The following CSMD2 variants were observed in gnomAD, a reference collection of about 807,000 sequenced individuals.
CSMD2 encodes CUB and sushi domain-containing protein 2.
CSMD2 carries 130 observed loss-of-function variants against 398.5 expected under a neutral mutation model. The observed-to-expected ratio is 0.33, with a 90% CI of 0.28 to 0.38. The LOEUF (loss-of-function observed/expected upper bound fraction) is 0.38. Ranked by LOEUF, CSMD2 falls within the 10% of genes least tolerant of loss-of-function variation. The pLI is 1.00. For synonymous variants in CSMD2, 1,828 were observed against 1,908.5 expected (o/e 0.96, Z 1.10); for missense variants, 3,829 against 4,764.9 (o/e 0.80, Z 5.78).
chr1:34,115,415 C>G (rs570464232), intron 1 of CSMD2, among the ~76,000 whole-genome samples: 1 of 152,128 alleles, frequency 6.6e-6, no homozygotes, highest in Non-Finnish European at 1.5e-5. Flanking sequence ...ATAAACATTA[C>G]AAGCCCAGAG....
intron 3 of CSMD2, among the ~76,000 whole-genome samples, chr1:33,948,653 G>C (rs969400091): frequency 1.3e-5 from 2 of 152,126 alleles, no homozygotes; most frequent in African/African-American, 4.8e-5. Flanking sequence ...TTTCCATATA[G>C]CCTCTTTGGA....
chr1:33,523,215 G>T, intron 67 of CSMD2, 92 bp downstream of exon 67: 3 of 644,160 alleles, frequency 4.7e-6, no homozygotes, highest in Non-Finnish European at 8.2e-6. Context: ...CAAGTTGCCA[G>T]ATTGATCCTA....
intron 41 of CSMD2, among the ~76,000 whole-genome samples, chr1:33,609,689 A>C (rs372861117): frequency 2.0e-5 from 3 of 152,296 alleles, no homozygotes; most frequent in African/African-American, 7.2e-5. Context: ...TAAAAAACAA[A>C]ATTGGAAAAC....
chr1:33,675,807 C>T lies in CSMD2; in HGVS notation c.4053-12715G>A, dbSNP rs572874328. 3.2e-3 allele frequency among the ~76,000 whole-genome samples: 487 copies of T among 152,268 alleles called. 1 individual carries two copies. Among genetic ancestry groups the T allele is most frequent in the African/African-American group, 0.01 (421 of 41,548 alleles). On this transcript the variant is annotated intron_variant, in intron 25 of 70. Coordinates refer to ENST00000373381, the MANE Select transcript of CSMD2 (RefSeq NM_001281956.2). Reference sequence around the variant, plus strand: ...TGGGATGCAAGACTGGTTCAACATACGCAAATCAATAAACATAATCCAGCA... The same window carrying T: ...TGGGATGCAAGACTGGTTCAACATATGCAAATCAATAAACATAATCCAGCA...
chr1:34,064,102 C>T (rs1253458452), intron 2 of CSMD2, among the ~76,000 whole-genome samples: 1 of 152,234 alleles, frequency 6.6e-6, no homozygotes, highest in Admixed American at 6.5e-5. Flanking sequence ...CCACGTATTC[C>T]TCCCGGGCCT....
At chr1:33,900,603 C>T (rs570739128) in intron 5 of CSMD2, among the ~76,000 whole-genome samples, 1 of 152,218 alleles carries the variant, frequency 6.6e-6, no homozygotes, top group Non-Finnish European at 1.5e-5. Flanking sequence ...ATGGTGAAAC[C>T]TTGTCTCTAC....
intron 21 of CSMD2, among the ~76,000 whole-genome samples, chr1:33,712,590 T>C (rs988638673): frequency 2.0e-5 from 3 of 152,220 alleles, no homozygotes; most frequent in African/African-American, 7.2e-5. Context: ...TTGTGAGGTG[T>C]CATGAACAAA....
intron 15 of CSMD2, among the ~76,000 whole-genome samples, chr1:33,738,869 G>A (rs1281711908): frequency 6.6e-6 from 1 of 152,224 alleles, no homozygotes; most frequent in Admixed American, 6.5e-5. Context: ...ATACCGAAGA[G>A]AGTTCTCATT....
chr1:33,577,248 G>C (rs1638333410), intron 49 of CSMD2, 48 bp downstream of exon 49: 1 of 1,524,438 alleles, frequency 6.6e-7, no homozygotes. Context: ...CCCAAGATAT[G>C]AGTTGGATCC....
At chr1:34,003,577 G>A (rs572726504) in intron 3 of CSMD2, among the ~76,000 whole-genome samples, 1 of 152,296 alleles carries the variant, frequency 6.6e-6, no homozygotes, top group South Asian at 2.1e-4. Flanking sequence ...ATCTTCACAG[G>A]AGGATGCAGT....
intron 42 of CSMD2, among the ~76,000 whole-genome samples, chr1:33,603,527 G>A (rs187083582): frequency 1.1e-4 from 17 of 152,292 alleles, no homozygotes; most frequent in Admixed American, 4.6e-4. Context: ...GTGAATGCAC[G>A]TACATCCTGA....
intron 1 of CSMD2, among the ~76,000 whole-genome samples, chr1:34,117,624 CT>C (rs1558413971): frequency 6.6e-6 from 1 of 151,682 alleles, no homozygotes; most frequent in Admixed American, 6.6e-5. Flanking sequence ...TAGCATTACC[CT>C]AATACCAAAA....
chr1:34,084,277 G>C lies in CSMD2; in HGVS notation c.404+4700C>G, dbSNP rs575418192. 2.6e-5 allele frequency among the ~76,000 whole-genome samples: 4 copies of C among 152,274 alleles called. No homozygotes were observed. The East Asian group carries it at 7.7e-4, about 29-fold the overall frequency. Reference sequence around the variant, plus strand: ...CCCACCCTTCCATGCTAGAACACAGGCCAGACCAGTCTCTGCTGAGTCTTC... The same window carrying C: ...CCCACCCTTCCATGCTAGAACACAGCCCAGACCAGTCTCTGCTGAGTCTTC... On this transcript the variant is annotated intron_variant, in intron 2 of 70. Coordinates refer to ENST00000373381, the MANE Select transcript of CSMD2 (RefSeq NM_001281956.2).
intron 1 of CSMD2, among the ~76,000 whole-genome samples, chr1:34,160,371 C>G (rs1641220542): frequency 6.6e-6 from 1 of 152,204 alleles, no homozygotes; most frequent in African/African-American, 2.4e-5. Context: ...AACGCCTTTC[C>G]TTGGCTCAGG....
chr1:34,069,257 A>AC (rs112667133), intron 2 of CSMD2, among the ~76,000 whole-genome samples: 2,336 of 152,018 alleles, frequency 0.015, 65 homozygotes, highest in African/African-American at 0.053. Flanking sequence ...ATTTGCTGAG[A>AC]CCCCCCATGT....
intron 5 of CSMD2, among the ~76,000 whole-genome samples, chr1:33,897,033 G>A (rs1642437324): frequency 1.3e-5 from 2 of 152,080 alleles, no homozygotes; most frequent in South Asian, 4.2e-4. Context: ...CAGGGGGCAA[G>A]CCTGTAAAAG....
intron 3 of CSMD2, among the ~76,000 whole-genome samples, chr1:33,953,579 C>T (rs1645073602): frequency 6.6e-6 from 1 of 152,132 alleles, no homozygotes; most frequent in Non-Finnish European, 1.5e-5. Context: ...GGGCTAGAAT[C>T]CAAGTGGGTC....
rs184696831 is a variant in CSMD2, at chr1:33,925,858, C to T, written c.713-7557G>A. On this transcript the variant is annotated intron_variant, in intron 4 of 70. Transcript: ENST00000373381. ...CTCCCAGCTCTTCCGATTCACTAAGCATTGCCTTGCTCCAGGGCCTTTGAA... is the reference window on the plus strand; with the variant it reads ...CTCCCAGCTCTTCCGATTCACTAAGTATTGCCTTGCTCCAGGGCCTTTGAA... Among the ~76,000 whole-genome samples the T allele has an allele frequency of 2.0e-5, 3 of 152,230 alleles. No homozygotes were observed. The East Asian group carries it at 5.8e-4, about 29-fold the overall frequency.
chr1:33,793,126 C>T (rs1008267734), intron 10 of CSMD2, among the ~76,000 whole-genome samples: 4 of 152,140 alleles, frequency 2.6e-5, no homozygotes, highest in African/African-American at 7.2e-5. Context: ...TATCTGCCCT[C>T]GCTAAGAAGG....
Sources: gnomAD v4.1 joint callset for allele counts (sites outside exome capture counted in the v4.1 genomes callset) on GRCh38, gnomAD v4.1.1 for gene constraint, MANE v1.5 for transcripts, NCBI Gene and HGNC (gene_info 2026-07-23, HGNC 2026-07-21) for gene names.